Variants in TNNI3K observed in about 807,000 individuals in gnomAD.
The protein encoded by TNNI3K is serine/threonine-protein kinase TNNI3K.
A neutral mutation model predicts 114.5 loss-of-function variants in TNNI3K; 140 were observed. That is an observed-to-expected ratio of 1.22 (90% confidence interval 1.07 to 1.41). TNNI3K has a LOEUF of 1.41. Among genes scored for constraint, TNNI3K ranks in the 40% most tolerant of loss-of-function variants. TNNI3K has a pLI of 0.00. For synonymous variants in TNNI3K, 347 were observed against 347.5 expected (o/e 1.00, Z 0.02); for missense variants, 1,125 against 1,007.6 (o/e 1.12, Z -1.58).
rs901767432 is a variant in TNNI3K at position 74,472,109 on chromosome 1, A to G, written c.2121+8559A>G. On this transcript the variant is annotated intron_variant, in intron 21 of 24. Transcript: ENST00000326637. ...TCTTCTTTTTCTATTGGAGGCTGCC[A>G]TGATTCATTTGTTAAACGCTTCTCA... is the stretch of plus-strand genomic sequence containing the variant. 7.0e-6 allele frequency: 5 copies of G among 717,280 alleles called. No homozygotes were observed. The East Asian group carries it at 1.3e-4, about 19-fold the overall frequency. The allele number at this position is 717,280 out of a possible 1,614,324, so 44.4% of individuals were successfully genotyped here. A position where few individuals can be genotyped will look rare whatever the true frequency, so the allele number is the denominator to read the frequency against.
chr1:74,393,836 A>G (rs770798120), intron 17 of TNNI3K, among the ~76,000 whole-genome samples: 34 of 152,250 alleles, frequency 2.2e-4, no homozygotes, highest in Non-Finnish European at 4.6e-4. Flanking sequence ...AGGATCACAC[A>G]ACCTAGATCC....
rs2100871495 is a variant in TNNI3K at position 74,261,256 on chromosome 1, C to T, written c.334-10342C>T. On this transcript the variant is annotated intron_variant, in intron 4 of 24. Coordinates refer to ENST00000326637, the MANE Select transcript of TNNI3K (RefSeq NM_015978.3). ...TGGCTCACATAAGCTACAGCACATCCCCAATAACTAAAAGCTAAGAAAAAA... is the reference window on the plus strand; with the variant it reads ...TGGCTCACATAAGCTACAGCACATCTCCAATAACTAAAAGCTAAGAAAAAA... 2.0e-5 allele frequency among the ~76,000 whole-genome samples: 3 copies of T among 151,798 alleles called. No individual in the cohort carries two copies. In the South Asian group the frequency reaches 6.2e-4, roughly 32 times the overall value.
At chr1:74,534,320 T>TA (rs1467099517) in intron 23 of TNNI3K, among the ~76,000 whole-genome samples, 2 of 152,126 alleles carry the variant, frequency 1.3e-5, no homozygotes, top group East Asian at 1.9e-4. Flanking sequence ...AATGTGATTT[T>TA]AAAAAAATGA....
At chr1:74,430,682 A>G (rs948867678) in intron 17 of TNNI3K, among the ~76,000 whole-genome samples, 1 of 152,092 alleles carries the variant, frequency 6.6e-6, no homozygotes, top group Non-Finnish European at 1.5e-5. Context: ...CAGACACTTC[A>G]AAGAGATAAA....
At chr1:74,323,119 A>G (rs767752557) in intron 5 of TNNI3K, among the ~76,000 whole-genome samples, 1 of 152,192 alleles carries the variant, frequency 6.6e-6, no homozygotes. Context: ...AAACAATTAT[A>G]TAATCATGGT....
Position 74,353,318 on chromosome 1 carries a change from A to G in TNNI3K, c.985A>G (p.Asn329Asp). 1 of 1,613,832 alleles carries G rather than the reference A, an allele frequency of 6.2e-7. No individual in the cohort carries two copies. Among genetic ancestry groups the G allele is most frequent in the South Asian group, 1.1e-5 (1 of 91,070 alleles). ...CCTAGTCAAATTTCTTCTTGATCAG[A>G]ATGTCATAAACATCAACCACCAAGG... The part of the protein sequence containing the change: ...IDLVKFLLDQ[N>D]VININHQGRD... The change falls in exon 10 of 25, where the codon AAT becomes GAT. Residue 329 changes from asparagine (N) to aspartate (D), a missense_variant. By Grantham distance (23) the Asn-to-Asp change is conservative. Coordinates refer to ENST00000326637, the MANE Select transcript of TNNI3K (RefSeq NM_015978.3).
At chr1:74,459,701 G>A (rs1169652982) in intron 20 of TNNI3K, among the ~76,000 whole-genome samples, 1 of 152,186 alleles carries the variant, frequency 6.6e-6, no homozygotes, top group African/African-American at 2.4e-5. Context: ...GTTATCACAT[G>A]TTGTGCTGAA....
At chr1:74,324,869 G>A (rs1299773647) in intron 5 of TNNI3K, among the ~76,000 whole-genome samples, 1 of 152,126 alleles carries the variant, frequency 6.6e-6, no homozygotes, top group Non-Finnish European at 1.5e-5. Context: ...CTGCTTATCT[G>A]CTGCTCAGTT....
intron 21 of TNNI3K, among the ~76,000 whole-genome samples, chr1:74,465,620 C>T (rs1327261650): frequency 1.3e-5 from 2 of 152,304 alleles, no homozygotes; most frequent in East Asian, 1.9e-4. Context: ...TCCCACCGAC[C>T]GCCCAAAGGC....
At chr1:74,439,255 T>C in intron 19 of TNNI3K, 1 of 416,240 alleles carries the variant, frequency 2.4e-6, no homozygotes, top group Non-Finnish European at 4.0e-6. Context: ...CTTTATGATC[T>C]TCCAATGATT....
chr1:74,369,737 G>A (rs756635631), intron 16 of TNNI3K, 152 bp downstream of exon 16: 30 of 832,272 alleles, frequency 3.6e-5, no homozygotes, highest in South Asian at 8.0e-5. Context: ...AATAATTTAT[G>A]CCTAATAACT....
intron 17 of TNNI3K, chr1:74,402,039 T>C (rs1184126298): frequency 4.4e-6 from 1 of 229,238 alleles, no homozygotes; most frequent in African/African-American, 2.4e-5. Flanking sequence ...TGGAATAATC[T>C]GGTTCTCATC....
At chr1:74,255,715 A>G (rs1655245663) in intron 4 of TNNI3K, among the ~76,000 whole-genome samples, 1 of 152,210 alleles carries the variant, frequency 6.6e-6, no homozygotes, top group Non-Finnish European at 1.5e-5. Context: ...TAATCATGTA[A>G]CCATCATCAC....
intron 6 of TNNI3K, among the ~76,000 whole-genome samples, chr1:74,333,207 C>T (rs1053547520): frequency 1.3e-5 from 2 of 152,142 alleles, no homozygotes; most frequent in Non-Finnish European, 2.9e-5. Flanking sequence ...TGCCTTTATT[C>T]CTCTGCTAGC....
intron 5 of TNNI3K, among the ~76,000 whole-genome samples, chr1:74,300,690 C>T (rs1362701259): frequency 6.6e-6 from 1 of 152,194 alleles, no homozygotes; most frequent in Non-Finnish European, 1.5e-5. Context: ...GCTTGTACAT[C>T]TATTTCATTG....
intron 4 of TNNI3K, among the ~76,000 whole-genome samples, chr1:74,261,166 G>A (rs981941442): frequency 4.6e-5 from 7 of 151,480 alleles, no homozygotes; most frequent in East Asian, 1.9e-4. Flanking sequence ...TGCCAATTTC[G>A]TCTATTCAGT....
chr1:74,393,504 T>C (rs1026466905), intron 17 of TNNI3K, among the ~76,000 whole-genome samples: 2 of 152,192 alleles, frequency 1.3e-5, no homozygotes, highest in Non-Finnish European at 2.9e-5. Flanking sequence ...ACAAAAGGAC[T>C]AGAAATAGAA....
chr1:74,511,195 A>AT (rs113121147), intron 23 of TNNI3K, among the ~76,000 whole-genome samples: 79,568 of 144,200 alleles, frequency 0.55, 22,169 homozygotes, highest in Non-Finnish European at 0.64. Flanking sequence ...TGCCCGGCCT[A>AT]TTTTTTTTTT....
chr1:74,276,531 C>G (rs917393965), intron 5 of TNNI3K, among the ~76,000 whole-genome samples: 1 of 152,092 alleles, frequency 6.6e-6, no homozygotes, highest in Non-Finnish European at 1.5e-5. Context: ...TGGGATAAAA[C>G]ACACATCGAG....
Sources: gnomAD v4.1 joint callset for allele counts (sites outside exome capture counted in the v4.1 genomes callset) on GRCh38, gnomAD v4.1.1 for gene constraint, MANE v1.5 for transcripts, NCBI Gene and HGNC (gene_info 2026-07-23, HGNC 2026-07-21) for gene names.